Variants in ANO1 observed in about 807,000 individuals in gnomAD.
ANO1 encodes anoctamin 1.
In ANO1, 59 loss-of-function variants were observed where a neutral mutation model predicts 124.0. That is an observed-to-expected ratio of 0.48 (90% CI 0.39 to 0.59). The LOEUF (loss-of-function observed/expected upper bound fraction) is 0.59, where lower values mean the gene tolerates loss of function less well. Among genes scored for constraint, ANO1 ranks in the 20% least tolerant of loss-of-function variants. ANO1 has a pLI of 0.00. For synonymous variants in ANO1, 529 were observed against 532.0 expected (o/e 0.99, Z 0.08); for missense variants, 1,059 against 1,328.0 (o/e 0.80, Z 3.15).
intron 1 of ANO1, among the ~76,000 whole-genome samples, chr11:70,038,084 G>A (rs904458614): frequency 6.6e-6 from 1 of 152,148 alleles, no homozygotes; most frequent in Non-Finnish European, 1.5e-5. Context: ...GAATGGAGAA[G>A]TTCTTCTTCA....
intron 25 of ANO1, 53 bp downstream of exon 25, chr11:70,185,748 C>A: frequency 6.4e-7 from 1 of 1,561,920 alleles, no homozygotes; most frequent in South Asian, 1.1e-5. Context: ...ATTTAGGGAC[C>A]ATCCTGTGCC....
chr11:70,073,333 C>T (rs560111036), upstream of ANO1, among the ~76,000 whole-genome samples: 1 of 152,328 alleles, frequency 6.6e-6, no homozygotes, highest in East Asian at 1.9e-4. Flanking sequence ...GTCTAAACTT[C>T]TTCCCACACC....
upstream of ANO1, among the ~76,000 whole-genome samples, chr11:69,982,165 AT>A (rs1344785227): frequency 6.6e-6 from 1 of 152,158 alleles, no homozygotes; most frequent in Non-Finnish European, 1.5e-5. Context: ...AAAATGATCA[AT>A]TTTATCTTAT....
chr11:70,016,042 T>G (rs1482543428), intron 1 of ANO1, among the ~76,000 whole-genome samples: 1 of 152,014 alleles, frequency 6.6e-6, no homozygotes, highest in Admixed American at 6.5e-5. Flanking sequence ...TTTTCTTTTT[T>G]TTTGAAACGG....
intron 8 of ANO1, among the ~76,000 whole-genome samples, chr11:70,119,333 A>G: frequency 1.5e-5 from 2 of 137,766 alleles, no homozygotes; most frequent in African/African-American, 5.5e-5. Context: ...GGATGATGGA[A>G]GGATGAATGA....
Position 70,116,512 on chromosome 11 carries a change from A to C in ANO1, c.897+13A>C. ...CAACGACAGAAAAGTAAGTTGATGG[A>C]GCGGAGCAGGAGGTGGCTCTGTCAG... On this transcript the variant is annotated intron_variant, in intron 8 of 25. Transcript: ENST00000355303. The C allele has an allele frequency of 6.3e-7, 1 of 1,587,168 alleles. No homozygotes were observed. The highest frequency in any genetic ancestry group is 8.6e-7 in the Non-Finnish European group (1 of 1,166,736).
At chr11:70,106,957 G>A (rs1291130437) in intron 5 of ANO1, among the ~76,000 whole-genome samples, 2 of 152,224 alleles carry the variant, frequency 1.3e-5, no homozygotes, top group Admixed American at 1.3e-4. Context: ...AGGTTGTGGA[G>A]CTAGGTTGAG....
intron 22 of ANO1, among the ~76,000 whole-genome samples, chr11:70,177,470 T>G (rs899275414): frequency 6.6e-6 from 1 of 151,874 alleles, no homozygotes; most frequent in African/African-American, 2.4e-5. Context: ...ACAGCAGAGC[T>G]GCGGTGCACA....
intron 1 of ANO1, among the ~76,000 whole-genome samples, chr11:70,001,785 G>A (rs2375282): frequency 0.49 from 73,457 of 151,422 alleles, 19,016 homozygotes; most frequent in East Asian, 0.89. Context: ...GTGTGTGTGT[G>A]TGTGTGTGTG....
intron 7 of ANO1, among the ~76,000 whole-genome samples, chr11:70,113,562 A>G (rs776098377): frequency 5.9e-5 from 9 of 151,774 alleles, no homozygotes; most frequent in Non-Finnish European, 1.3e-4. Context: ...GGTGCCAGGA[A>G]GACAGCCCTG....
chr11:70,049,392 C>G (rs1857313584), intron 1 of ANO1, among the ~76,000 whole-genome samples: 1 of 152,234 alleles, frequency 6.6e-6, no homozygotes, highest in East Asian at 1.9e-4. Flanking sequence ...CCTCATCTGT[C>G]AAACGGGGAT....
chr11:69,976,279 G>A, the ANO1 span, among the ~76,000 whole-genome samples: 3,673 of 152,116 alleles, frequency 0.024, 86 homozygotes, highest in South Asian at 0.056. Context: ...GGAGGCCAGG[G>A]CGGGCGGATC....
At chr11:70,085,777 A>C (rs2044350526) in intron 1 of ANO1, 5 of 1,306,462 alleles carry the variant, frequency 3.8e-6, no homozygotes, top group Non-Finnish European at 5.0e-6. Flanking sequence ...CCTCTCCCCC[A>C]CTGCAGTGCT....
At chr11:70,145,924 G>A (rs1200070304) in intron 11 of ANO1, among the ~76,000 whole-genome samples, 1 of 132,938 alleles carries the variant, frequency 7.5e-6, no homozygotes, top group Non-Finnish European at 1.5e-5. Context: ...GTGACGGAGA[G>A]AGACTCCTTC....
chr11:70,050,243 T>C (rs782128927), intron 1 of ANO1, among the ~76,000 whole-genome samples: 3 of 152,216 alleles, frequency 2.0e-5, no homozygotes, highest in Non-Finnish European at 4.4e-5. Flanking sequence ...GCAGCTGTGG[T>C]AACAGAGCTG....
chr11:70,176,400 G>T (rs1445955037), intron 22 of ANO1, among the ~76,000 whole-genome samples: 2 of 152,100 alleles, frequency 1.3e-5, no homozygotes, highest in East Asian at 3.9e-4. Context: ...GCCCGCCTCT[G>T]CCTACCAAAG....
At chr11:70,016,115 C>T (rs941152106) in intron 1 of ANO1, among the ~76,000 whole-genome samples, 20 of 151,940 alleles carry the variant, frequency 1.3e-4, no homozygotes, top group African/African-American at 4.8e-4. Context: ...GCAACCTCTG[C>T]CTCCTTGGTT....
chr11:69,984,060 A>G (rs1246850786), upstream of ANO1, among the ~76,000 whole-genome samples: 2 of 152,140 alleles, frequency 1.3e-5, no homozygotes, highest in African/African-American at 4.8e-5. Context: ...ATAGTTCATC[A>G]TTCCAAGGGT....
intron 2 of ANO1, among the ~76,000 whole-genome samples, chr11:70,099,920 G>T (rs887590835): frequency 1.3e-5 from 2 of 152,148 alleles, no homozygotes; most frequent in African/African-American, 4.8e-5. Flanking sequence ...TCTGCCCCTC[G>T]AGGGCCACAG....
Sources: allele counts gnomAD v4.1 joint callset (sites outside exome capture counted in the v4.1 genomes callset), GRCh38; gene constraint gnomAD v4.1.1; transcripts MANE v1.5; gene names NCBI Gene and HGNC (gene_info 2026-07-23, HGNC 2026-07-21).